The following DCDC1 variants were observed in gnomAD, a reference collection of about 807,000 sequenced individuals.
The protein encoded by DCDC1 is doublecortin domain containing 1.
Under a neutral mutation model 178.3 loss-of-function variants are expected in DCDC1, and 200 were observed. That is an observed-to-expected ratio of 1.12 (90% CI 1.00 to 1.26). DCDC1 has a LOEUF of 1.26. Among genes scored for constraint, DCDC1 ranks in the 50% most tolerant of loss-of-function variants. The probability of loss-of-function intolerance (pLI) is 0.00; values close to 1 mark genes in which losing one functional copy is unlikely to be tolerated. For synonymous variants in DCDC1, 690 were observed against 604.8 expected (o/e 1.14, Z -2.07); for missense variants, 1,983 against 1,749.2 (o/e 1.13, Z -2.38).
chr11:31,342,862 C>T (rs2133229996), intron 1 of DCDC1, among the ~76,000 whole-genome samples: 1 of 152,060 alleles, frequency 6.6e-6, no homozygotes, highest in South Asian at 2.1e-4. Flanking sequence ...CTGAAGAAAA[C>T]AGAAATAGTT....
At chr11:30,977,541 T>C (rs1950168466) in intron 20 of DCDC1, among the ~76,000 whole-genome samples, 1 of 152,218 alleles carries the variant, frequency 6.6e-6, no homozygotes, top group Non-Finnish European at 1.5e-5. Context: ...CTTCTAGTTT[T>C]TAAAATTATA....
intron 1 of DCDC1, among the ~76,000 whole-genome samples, chr11:31,356,138 G>A (rs139552082): frequency 7.2e-5 from 11 of 152,102 alleles, no homozygotes; most frequent in African/African-American, 2.7e-4. Context: ...AGATAAAACT[G>A]ACTTTATTTT....
chr11:31,201,569 T>G (rs113054222), intron 9 of DCDC1, among the ~76,000 whole-genome samples: 119 of 152,036 alleles, frequency 7.8e-4, no homozygotes, highest in African/African-American at 2.7e-3. Context: ...CAGTACCCTT[T>G]TTTCCCACCT....
intron 38 of DCDC1, among the ~76,000 whole-genome samples, chr11:30,867,131 G>C (rs781544279): frequency 6.6e-6 from 1 of 152,088 alleles, no homozygotes; most frequent in Admixed American, 6.6e-5. Context: ...CCAAATAAGC[G>C]GCAACTAAAC....
At chr11:31,138,105 A>C (rs1044918600) in intron 9 of DCDC1, among the ~76,000 whole-genome samples, 22 of 152,198 alleles carry the variant, frequency 1.4e-4, no homozygotes, top group African/African-American at 4.3e-4. Context: ...TTTTAAAAAA[A>C]AATTAGGTTA....
intron 7 of DCDC1, among the ~76,000 whole-genome samples, chr11:31,267,715 C>A (rs1945264661): frequency 6.6e-6 from 1 of 152,068 alleles, no homozygotes; most frequent in African/African-American, 2.4e-5. Context: ...TGGACTGAAA[C>A]CTTTACTAAA....
chr11:31,274,770 T>C (rs1488362169), intron 7 of DCDC1, among the ~76,000 whole-genome samples: 1 of 151,386 alleles, frequency 6.6e-6, no homozygotes, highest in Non-Finnish European at 1.5e-5. Context: ...GCATGGTCTC[T>C]GCTCACTGAA....
At chr11:31,031,338 GA>G (rs1174309969) in intron 20 of DCDC1, among the ~76,000 whole-genome samples, 2 of 151,356 alleles carry the variant, frequency 1.3e-5, no homozygotes, top group East Asian at 1.9e-4. Flanking sequence ...GTGCTTTTCC[GA>G]AAAAAAATCC....
intron 15 of DCDC1, 21 bp downstream of exon 15, chr11:31,102,156 G>A (rs746787095): frequency 4.7e-5 from 31 of 660,748 alleles, no homozygotes; most frequent in Middle Eastern, 2.4e-4. Flanking sequence ...ACCTTTTAAA[G>A]TACAATAACT....
At chr11:31,204,995 A>T (rs1971709679) in intron 9 of DCDC1, among the ~76,000 whole-genome samples, 1 of 152,178 alleles carries the variant, frequency 6.6e-6, no homozygotes, top group Non-Finnish European at 1.5e-5. Context: ...TACTCTCAGT[A>T]GGCTTTGGAT....
chr11:31,101,540 T>G (rs1326421072), intron 15 of DCDC1, among the ~76,000 whole-genome samples: 1 of 152,164 alleles, frequency 6.6e-6, no homozygotes, highest in African/African-American at 2.4e-5. Flanking sequence ...GCAGCCATCT[T>G]AAAGACTTCC....
intron 13 of DCDC1, among the ~76,000 whole-genome samples, chr11:31,104,996 C>T (rs916625799): frequency 5.9e-5 from 9 of 152,030 alleles, no homozygotes; most frequent in African/African-American, 1.9e-4. Context: ...AGTAGCTTGA[C>T]CCCTTCAAAT....
chr11:30,908,681 T>A (rs1441195455), intron 29 of DCDC1, among the ~76,000 whole-genome samples: 1 of 152,146 alleles, frequency 6.6e-6, no homozygotes, highest in African/African-American at 2.4e-5. Flanking sequence ...ATTTCCCTAG[T>A]CTCTCTACTT....
chr11:30,888,434 T>A (rs1020509225), intron 36 of DCDC1, among the ~76,000 whole-genome samples: 1 of 152,182 alleles, frequency 6.6e-6, no homozygotes, highest in Non-Finnish European at 1.5e-5. Context: ...AAGACAGTCT[T>A]AGGCTGGGCA....
intron 20 of DCDC1, among the ~76,000 whole-genome samples, chr11:31,054,004 T>A (rs1435624230): frequency 6.6e-6 from 1 of 151,968 alleles, no homozygotes; most frequent in African/African-American, 2.4e-5. Flanking sequence ...ATAAAGGACA[T>A]CCAAATCATT....
intron 9 of DCDC1, among the ~76,000 whole-genome samples, chr11:31,173,323 C>A (rs754839119): frequency 9.9e-5 from 15 of 152,002 alleles, no homozygotes; most frequent in Non-Finnish European, 1.9e-4. Flanking sequence ...GGTACAATTA[C>A]GGATATTATT....
chr11:31,145,985 T>G (rs925738173), intron 9 of DCDC1, among the ~76,000 whole-genome samples: 2 of 152,184 alleles, frequency 1.3e-5, no homozygotes, highest in Non-Finnish European at 2.9e-5. Context: ...GACACTAATA[T>G]TACTTTCTTC....
intron 20 of DCDC1, among the ~76,000 whole-genome samples, chr11:31,018,555 G>A (rs1387678641): frequency 6.6e-6 from 1 of 152,120 alleles, no homozygotes; most frequent in Non-Finnish European, 1.5e-5. Flanking sequence ...AGAAAACCAA[G>A]GCTCACGGAA....
intron 1 of DCDC1, among the ~76,000 whole-genome samples, chr11:31,339,378 C>G (rs1004148079): frequency 2.0e-5 from 3 of 152,144 alleles, no homozygotes; most frequent in African/African-American, 7.2e-5. Context: ...GTGCCTTGAT[C>G]TTAGACATCC....
Sources: gnomAD v4.1 joint callset for allele counts (sites outside exome capture counted in the v4.1 genomes callset) on GRCh38, gnomAD v4.1.1 for gene constraint, MANE v1.5 for transcripts, NCBI Gene and HGNC (gene_info 2026-07-23, HGNC 2026-07-21) for gene names.